The following LIPC variants were observed in gnomAD, a reference collection of about 807,000 sequenced individuals.
The protein encoded by LIPC is hepatic triacylglycerol lipase.
In LIPC, 44 loss-of-function variants were observed where a neutral mutation model predicts 50.7. That is an observed-to-expected ratio of 0.87 (90% CI 0.68 to 1.11). The LOEUF (loss-of-function observed/expected upper bound fraction) is 1.11, where lower values mean the gene tolerates loss of function less well. Ranked by LOEUF, LIPC falls within the 50% of genes most tolerant of loss-of-function variation. LIPC has a pLI of 0.00. For synonymous variants in LIPC, 271 were observed against 256.4 expected, an observed-to-expected ratio of 1.06 and a Z score of -0.54; for missense variants, 697 against 648.2, an observed-to-expected ratio of 1.08 and a Z score of -0.82.
At chr15:58,501,374 A>C (rs1307832210) in intron 1 of LIPC, among the ~76,000 whole-genome samples, 2 of 144,684 alleles carry the variant, frequency 1.4e-5, no homozygotes, top group Non-Finnish European at 3.0e-5. Flanking sequence ...TAATGCCTGA[A>C]GTTTTTTTGT....
chr15:58,436,764 G>C (rs1161285194), intron 1 of LIPC: 2 of 456,170 alleles, frequency 4.4e-6, no homozygotes, highest in African/African-American at 2.0e-5. Flanking sequence ...AGGGAAGAAG[G>C]CTTCTTGGAG....
chr15:58,444,948 GA>G (rs1417995568), intron 1 of LIPC, among the ~76,000 whole-genome samples: 10 of 152,174 alleles, frequency 6.6e-5, no homozygotes, highest in Non-Finnish European at 1.3e-4. Context: ...TTCCGCGTTA[GA>G]AAAAAGGCTT....
chr15:58,466,587 A>T (rs1158859466), intron 1 of LIPC, among the ~76,000 whole-genome samples: 1 of 152,216 alleles, frequency 6.6e-6, no homozygotes, highest in Non-Finnish European at 1.5e-5. Flanking sequence ...GGTAAGAAAC[A>T]AGCTGCGAAG....
chr15:58,536,320 G>C (rs1302447501), intron 1 of LIPC, among the ~76,000 whole-genome samples: 1 of 152,126 alleles, frequency 6.6e-6, no homozygotes, highest in Non-Finnish European at 1.5e-5. Flanking sequence ...TGGGGGATGA[G>C]GGATCATCAC....
At chr15:58,536,190 A>G (rs959370733) in intron 1 of LIPC, among the ~76,000 whole-genome samples, 7 of 152,240 alleles carry the variant, frequency 4.6e-5, no homozygotes, top group African/African-American at 1.7e-4. Flanking sequence ...GTGAAGTCTC[A>G]GTTCCATTTT....
At chr15:58,484,841 A>G (rs1891313791) in intron 1 of LIPC, among the ~76,000 whole-genome samples, 1 of 152,230 alleles carries the variant, frequency 6.6e-6, no homozygotes, top group Non-Finnish European at 1.5e-5. Context: ...TGACATTTAC[A>G]CTAAAATCTG....
At chr15:58,454,631 T>C (rs3825776) in intron 1 of LIPC, 54,690 of 152,078 alleles carry the variant, frequency 0.36, 10,043 homozygotes, top group East Asian at 0.49. Context: ...CATGGCAATT[T>C]TCTAGTCAAC....
At chr15:58,481,125 T>C (rs1566923215) in intron 1 of LIPC, among the ~76,000 whole-genome samples, 1 of 152,162 alleles carries the variant, frequency 6.6e-6, no homozygotes, top group Admixed American at 6.5e-5. Flanking sequence ...AAGACACTGG[T>C]ACAGAAGACT....
At chr15:58,542,677 C>T (rs775650887) in intron 4 of LIPC, 26 bp downstream of exon 4, 11 of 1,440,212 alleles carry the variant, frequency 7.6e-6, no homozygotes, top group Non-Finnish European at 1.1e-5. Flanking sequence ...AACTCACACA[C>T]TGATCTCCAC....
At chr15:58,541,214 C>T (rs1323258465) in intron 2 of LIPC, among the ~76,000 whole-genome samples, 1 of 152,154 alleles carries the variant, frequency 6.6e-6, no homozygotes, top group Non-Finnish European at 1.5e-5. Flanking sequence ...AAACAAGGCA[C>T]ACACACAGAA....
intron 1 of LIPC, among the ~76,000 whole-genome samples, chr15:58,462,519 A>G (rs1370406857): frequency 6.6e-6 from 1 of 152,164 alleles, no homozygotes; most frequent in East Asian, 1.9e-4. Flanking sequence ...ATACTCACAC[A>G]TACATTCTTT....
chr15:58,444,047 T>C (rs1893600036), intron 1 of LIPC, among the ~76,000 whole-genome samples: 1 of 152,192 alleles, frequency 6.6e-6, no homozygotes, highest in South Asian at 2.1e-4. Flanking sequence ...GCCATCTGGG[T>C]GTATACGTGC....
At chr15:58,441,959 T>C (rs1893522069) in intron 1 of LIPC, among the ~76,000 whole-genome samples, 1 of 152,204 alleles carries the variant, frequency 6.6e-6, no homozygotes, top group Admixed American at 6.5e-5. Flanking sequence ...GGGCATTGTC[T>C]CTGTTCACTT....
intron 6 of LIPC, among the ~76,000 whole-genome samples, chr15:58,554,540 CTT>C (rs1226395070): frequency 8.3e-6 from 1 of 120,252 alleles, no homozygotes; most frequent in Non-Finnish European, 1.7e-5. Flanking sequence ...GGCAAATTGT[CTT>C]TTCTTTTCTT....
At chr15:58,568,681 C>T (rs1894463897) in intron 8 of LIPC, 35 bp from the exon 9 acceptor site, 1 of 1,247,376 alleles carries the variant, frequency 8.0e-7, no homozygotes. Context: ...CCACCTAAAA[C>T]TTAATGCTGT....
chr15:58,448,765 C>T (rs1215047124), intron 1 of LIPC, among the ~76,000 whole-genome samples: 2 of 152,254 alleles, frequency 1.3e-5, no homozygotes, highest in African/African-American at 4.8e-5. Context: ...TCTGGCCCAA[C>T]ATCACACAGC....
chr15:58,532,838 T>C (rs772768132), intron 1 of LIPC, among the ~76,000 whole-genome samples: 1 of 152,220 alleles, frequency 6.6e-6, no homozygotes, highest in African/African-American at 2.4e-5. Context: ...AATTTCTTCT[T>C]GTATGAAATA....
rs117041583 is a variant in LIPC, at chr15:58,483,696, G to A, written c.88+51576G>A. ...CACAGCTGTCTCCAAGACCATGCCC[G>A]TTGAGTAAAAATATCTCTTGGCAAG... On this transcript the variant is annotated intron_variant, in intron 1 of 8. Coordinates refer to ENST00000299022, the MANE Select transcript of LIPC (RefSeq NM_000236.3). Among the ~76,000 whole-genome samples, 40 of 152,156 alleles carry A rather than the reference G, an allele frequency of 2.6e-4. No homozygotes were observed. The East Asian group carries it at 5.8e-3, about 22-fold the overall frequency.
intron 8 of LIPC, chr15:58,566,412 C>T (rs1894367116): frequency 1.0e-6 from 1 of 984,838 alleles, no homozygotes; most frequent in Non-Finnish European, 1.2e-6. Flanking sequence ...TAACTTCACT[C>T]TTCAAGACTC....
Sources: gnomAD v4.1 joint callset for allele counts (sites outside exome capture counted in the v4.1 genomes callset) on GRCh38, gnomAD v4.1.1 for gene constraint, MANE v1.5 for transcripts, NCBI Gene and HGNC (gene_info 2026-07-23, HGNC 2026-07-21) for gene names.